ELOVL6: variants seen among roughly 807,000 people sequenced by gnomAD.
ELOVL6 encodes the protein very long chain fatty acid elongase 6.
In ELOVL6, 8 loss-of-function variants were observed where a neutral mutation model predicts 31.7. The ratio of observed to expected loss-of-function variants is 0.25; its 90% CI spans 0.15 to 0.45. The LOEUF (loss-of-function observed/expected upper bound fraction) is 0.45. ELOVL6 is among the 20% of genes least tolerant of loss of function. The pLI is 1.00. For synonymous variants in ELOVL6, 101 were observed against 117.7 expected, an observed-to-expected ratio of 0.86 and a Z score of 0.92; for missense variants, 126 against 326.4, an observed-to-expected ratio of 0.39 and a Z score of 4.73.
intron 1 of ELOVL6, among the ~76,000 whole-genome samples, chr4:110,157,500 G>A (rs1037138308): frequency 4.6e-5 from 7 of 151,992 alleles, no homozygotes; most frequent in Admixed American, 1.3e-4. Context: ...GTGAAACCCC[G>A]TCTCTACTAA....
chr4:110,112,486 C>A (rs953801893), intron 1 of ELOVL6, among the ~76,000 whole-genome samples: 17 of 152,184 alleles, frequency 1.1e-4, no homozygotes, highest in Non-Finnish European at 2.1e-4. Context: ...GTAGATATGG[C>A]TTAATAAAAC....
chr4:110,084,208 TAA>T lies in ELOVL6; in HGVS notation c.221+21287_221+21288del, dbSNP rs1290787114. The stretch of plus-strand genomic sequence containing the variant: ...TAACATATAACTTATATGATATATA[TAA>T]CATATAACTTATATGATATATATAA... On this transcript the variant is annotated intron_variant, in intron 2 of 3. Coordinates refer to ENST00000302274, the MANE Select transcript of ELOVL6 (RefSeq NM_024090.3). Among the ~76,000 whole-genome samples, 56 of 71,232 alleles carry T rather than the reference TAA, an allele frequency of 7.9e-4. 2 individuals carry two copies. The highest frequency in any genetic ancestry group is 3.1e-3 in the African/African-American group (38 of 12,332). The allele number at this position is 71,232 out of a possible 152,430, so 46.7% of individuals were successfully genotyped here.
intron 1 of ELOVL6, among the ~76,000 whole-genome samples, chr4:110,181,292 C>A (rs982750625): frequency 2.6e-5 from 4 of 151,756 alleles, no homozygotes; most frequent in African/African-American, 9.7e-5. Context: ...ACTAAAAATA[C>A]AAAAAATTAG....
intron 2 of ELOVL6, among the ~76,000 whole-genome samples, chr4:110,072,149 T>G (rs1441502556): frequency 1.3e-5 from 2 of 152,236 alleles, no homozygotes; most frequent in Non-Finnish European, 2.9e-5. Flanking sequence ...ACATTGAGTC[T>G]GCCAGCTTTA....
At chr4:110,068,325 G>A (rs1755365441) in intron 2 of ELOVL6, among the ~76,000 whole-genome samples, 1 of 152,190 alleles carries the variant, frequency 6.6e-6, no homozygotes, top group South Asian at 2.1e-4. Flanking sequence ...ACATGTTGCA[G>A]TGCGAAGCCT....
chr4:110,154,137 C>T (rs7681752), intron 1 of ELOVL6, among the ~76,000 whole-genome samples: 93,949 of 152,068 alleles, frequency 0.62, 29,284 homozygotes, highest in Non-Finnish European at 0.66. Context: ...TGTGCAATGG[C>T]GCAATCATGG....
chr4:110,176,269 T>A (rs1180156316), intron 1 of ELOVL6, among the ~76,000 whole-genome samples: 1 of 152,086 alleles, frequency 6.6e-6, no homozygotes, highest in Non-Finnish European at 1.5e-5. Context: ...TTCAAGTGAT[T>A]CTCCTGCCTC....
intron 2 of ELOVL6, among the ~76,000 whole-genome samples, chr4:110,098,932 A>AACCC (rs1196177688): frequency 1.3e-5 from 2 of 152,162 alleles, no homozygotes; most frequent in African/African-American, 4.8e-5. Flanking sequence ...TAAGATGGGC[A>AACCC]ATTTTGGCAA....
intron 2 of ELOVL6, among the ~76,000 whole-genome samples, chr4:110,079,173 C>T (rs201335643): frequency 6.6e-6 from 1 of 151,298 alleles, no homozygotes; most frequent in African/African-American, 2.4e-5. Context: ...CAACATTAGA[C>T]AGATCAACAA....
chr4:110,175,244 G>A (rs992671490), intron 1 of ELOVL6, among the ~76,000 whole-genome samples: 3 of 151,992 alleles, frequency 2.0e-5, no homozygotes, highest in African/African-American at 7.2e-5. Context: ...TTAGCCACGC[G>A]TGGTGGTGCA....
At chr4:110,113,785 G>A (rs1186779569) in intron 1 of ELOVL6, among the ~76,000 whole-genome samples, 1 of 152,176 alleles carries the variant, frequency 6.6e-6, no homozygotes, top group Non-Finnish European at 1.5e-5. Flanking sequence ...ATTTAAAACA[G>A]TAATTTCTGA....
chr4:110,180,676 T>G (rs1759245352), intron 1 of ELOVL6, among the ~76,000 whole-genome samples: 1 of 152,218 alleles, frequency 6.6e-6, no homozygotes. Context: ...CCTCCCAAAG[T>G]GCTGGGATTA....
intron 2 of ELOVL6, among the ~76,000 whole-genome samples, chr4:110,081,415 A>C (rs1367939325): frequency 6.6e-6 from 1 of 152,234 alleles, no homozygotes; most frequent in East Asian, 1.9e-4. Context: ...ATGGAACAGA[A>C]TGGAGCCCTC....
At chr4:110,083,931 T>G (rs1009393433) in intron 2 of ELOVL6, among the ~76,000 whole-genome samples, 8 of 10,134 alleles carry the variant, frequency 7.9e-4, no homozygotes, top group South Asian at 6.4e-3. Flanking sequence ...ATAATATATA[T>G]AGAGATATAT....
intron 1 of ELOVL6, among the ~76,000 whole-genome samples, chr4:110,157,934 T>C (rs1447723898): frequency 1.3e-5 from 2 of 152,202 alleles, no homozygotes; most frequent in African/African-American, 4.8e-5. Context: ...ACAGGGCAAA[T>C]CCTTTTCTAG....
chr4:110,092,005 A>G (rs533621525), intron 2 of ELOVL6, among the ~76,000 whole-genome samples: 1 of 152,350 alleles, frequency 6.6e-6, no homozygotes, highest in Admixed American at 6.5e-5. Context: ...CAGCATAACA[A>G]TTTAGTTATA....
chr4:110,160,327 T>G (rs2126269055), intron 1 of ELOVL6, among the ~76,000 whole-genome samples: 1 of 152,320 alleles, frequency 6.6e-6, no homozygotes, highest in South Asian at 2.1e-4. Flanking sequence ...AATATTGTTT[T>G]CCTGAACATC....
intron 2 of ELOVL6, among the ~76,000 whole-genome samples, chr4:110,065,538 C>T (rs1755275715): frequency 1.3e-5 from 2 of 152,122 alleles, no homozygotes; most frequent in Non-Finnish European, 1.5e-5. Flanking sequence ...GTGAAAGGAT[C>T]GCTTGAGTGC....
intron 1 of ELOVL6, among the ~76,000 whole-genome samples, chr4:110,137,227 T>C (rs1757836462): frequency 6.6e-6 from 1 of 152,220 alleles, no homozygotes; most frequent in Admixed American, 6.5e-5. Context: ...TCCGTGATTC[T>C]CTGACTCTGA....
Sources: allele counts gnomAD v4.1 joint callset (sites outside exome capture counted in the v4.1 genomes callset), GRCh38; gene constraint gnomAD v4.1.1; transcripts MANE v1.5; gene names NCBI Gene and HGNC (gene_info 2026-07-23, HGNC 2026-07-21).